The following RNF139 variants were observed in gnomAD, a reference collection of about 807,000 sequenced individuals.
The protein encoded by RNF139 is E3 ubiquitin-protein ligase RNF139.
In RNF139, 15 loss-of-function variants were observed where a neutral mutation model predicts 49.5. That is an observed-to-expected ratio of 0.30 (90% CI 0.20 to 0.47). RNF139 has a LOEUF of 0.47. RNF139 is among the 20% of genes least tolerant of loss of function. The probability of loss-of-function intolerance (pLI) is 1.00; values close to 1 mark genes in which losing one functional copy is unlikely to be tolerated. For missense variants in RNF139, 619 were observed against 806.3 expected (o/e 0.77, Z 2.81); for synonymous variants, 325 against 300.9 (o/e 1.08, Z -0.83).
chr8:124,486,483 C>T lies in RNF139; in HGVS notation c.834C>T (p.Cys278=). The T allele has an allele frequency of 6.2e-7, 1 of 1,613,960 alleles. No homozygotes were observed. Among genetic ancestry groups the T allele is most frequent in the Non-Finnish European group, 8.5e-7 (1 of 1,179,956 alleles). Residue 278 remains cysteine (C), a synonymous_variant, in exon 2 of 2, where the codon TGC becomes TGT. Transcript: ENST00000303545. ...GGGATGATTTTTGGGACCTCATTTG[C>T]AATCTTATAATTAGTGGGTGCGATT... The part of the protein sequence containing the change: ...ISWDDFWDLI[C]NLIISGCDST...
chr8:124,475,497 G>C (rs1392996520), intron 1 of RNF139, among the ~76,000 whole-genome samples: 1 of 152,248 alleles, frequency 6.6e-6, no homozygotes, highest in Non-Finnish European at 1.5e-5. Flanking sequence ...CCCTAGCGAG[G>C]ATTCAGTGTT....
chr8:124,486,517 A>C lies in RNF139; in HGVS notation c.868A>C (p.Thr290Pro). Residue 290 changes from threonine to proline, a missense_variant, in exon 2 of 2, where the codon ACT becomes CCT. Transcript: ENST00000303545. Reference protein sequence around the residue: ...LIISGCDSTLTVLGMSAVISS... With the variant: ...LIISGCDSTLPVLGMSAVISS... ...AATTAGTGGGTGCGATTCTACACTA[A>C]CTGTACTGGGCATGAGTGCTGTAAT... 6.2e-7 allele frequency: 1 copy of C among 1,614,130 alleles called. No individual in the cohort carries two copies. Among genetic ancestry groups the C allele is most frequent in the South Asian group, 1.1e-5 (1 of 91,084 alleles).
In RNF139 at chr8:124,486,871, T is replaced by G. The variant is rs754101559; in HGVS notation, c.1222T>G (p.Tyr408Asp). 81 of 1,613,878 alleles carry G rather than the reference T, an allele frequency of 5.0e-5. No individual in the cohort carries two copies. Among genetic ancestry groups the G allele is most frequent in the Non-Finnish European group, 6.7e-5 (79 of 1,179,992 alleles). ...CLFILPVLLS[Y>D]VLWHHYALNT... Reference sequence around the variant, plus strand: ...GTTTATTCTTCCTGTCTTACTCAGTTATGTTCTTTGGCATCACTATGCACT... The same window carrying G: ...GTTTATTCTTCCTGTCTTACTCAGTGATGTTCTTTGGCATCACTATGCACT... The change falls in exon 2 of 2, where the codon TAT becomes GAT. Residue 408 changes from tyrosine to aspartate, a missense_variant. By Grantham distance (160) the Tyr-to-Asp change is radical. This residue lies in a region of RNF139 where 530 missense variants were observed against 728.9 expected (regional missense o/e 0.73). Transcript: ENST00000303545.
In RNF139 at chr8:124,474,949, G is replaced by T; in HGVS notation, c.-161G>T. The stretch of plus-strand genomic sequence containing the variant: ...CTGCCTCCGCCGCCTGCTCCACCTC[G>T]AGGGACGCGAGCGGGCGGCGGGGCT... On this transcript the variant is annotated 5_prime_UTR_variant, in exon 1 of 2. Coordinates refer to ENST00000303545, the MANE Select transcript of RNF139 (RefSeq NM_007218.4). The surrounding 1 kb of genome is among the most constrained non-coding windows in gnomAD (Gnocchi z 4.6). 2.5e-6 allele frequency: 1 copy of T among 403,670 alleles called. No homozygotes were observed. Among genetic ancestry groups the T allele is most frequent in the Non-Finnish European group, 4.0e-6 (1 of 247,792 alleles). The allele number at this position is 403,670 out of a possible 1,614,324, so 25.0% of individuals were successfully genotyped here.
At chr8:124,477,227 A>G (rs1816328751) in intron 1 of RNF139, among the ~76,000 whole-genome samples, 2 of 152,252 alleles carry the variant, frequency 1.3e-5, no homozygotes, top group Non-Finnish European at 2.9e-5. Flanking sequence ...ATACTCTTCA[A>G]ATCTATCATC....
chr8:124,483,026 T>TAAAAATATATCTATTAA (rs370370558), intron 1 of RNF139, among the ~76,000 whole-genome samples: 2 of 94,276 alleles, frequency 2.1e-5, no homozygotes, highest in Non-Finnish European at 3.8e-5. Context: ...TATATATATT[T>TAAAAATATATCTATTAA]AAATATATAT....
chr8:124,485,254 C>T (rs1460685840), intron 1 of RNF139, among the ~76,000 whole-genome samples: 1 of 152,116 alleles, frequency 6.6e-6, no homozygotes, highest in African/African-American at 2.4e-5. Flanking sequence ...ATCCCAGTTA[C>T]TTGGGAGGCT....
rs140507881 is a variant in RNF139, at chr8:124,475,244, C to G, written c.135C>G (p.Ser45Arg). ...DAIFNSYPDS[S>R]QSRFCIVLQI... ...TCTTCAACTCCTACCCGGATTCCAG[C>G]CAAAGCCGGTTCTGCATCGTGCTCC... The change falls in exon 1 of 2, where the codon AGC becomes AGG. Residue 45 changes from serine to arginine, a missense_variant. By Grantham distance (110) the Ser-to-Arg change is moderately radical (BLOSUM62 -1). Around this residue, in one of 2 missense-constraint regions of RNF139, gnomAD observed 89 missense variants for 77.5 expected, o/e 1.15. Transcript: ENST00000303545. 1.2e-6 allele frequency: 2 copies of G among 1,613,758 alleles called. No homozygotes were observed. Among genetic ancestry groups the G allele is most frequent in the Admixed American group, 1.7e-5 (1 of 59,984 alleles).
rs1176892478 is a variant in RNF139 at position 124,486,929 on chromosome 8, G to C, written c.1280G>C (p.Cys427Ser). ...NTWLFAVTAF[C>S]VELCLKVIVS... is the part of the protein sequence containing the mutation. ...TGGTTGTTTGCAGTTACAGCATTTT[G>C]TGTGGAACTGTGCTTAAAAGTAATT... The change falls in exon 2 of 2, where the codon TGT becomes TCT. Residue 427 changes from cysteine (C) to serine (S), a missense_variant. Physicochemically the swap from Cys to Ser is moderately radical, Grantham distance 112. Coordinates refer to ENST00000303545, the MANE Select transcript of RNF139 (RefSeq NM_007218.4). 1.2e-6 allele frequency: 2 copies of C among 1,614,002 alleles called. No individual in the cohort carries two copies. The highest frequency in any genetic ancestry group is 1.1e-5 in the South Asian group (1 of 91,074).
rs145127334 is a variant in RNF139, at chr8:124,475,751, G to A, written c.181+461G>A. The stretch of plus-strand genomic sequence containing the variant: ...CTTCTGCTGCACCCGAGGGTCCACA[G>A]GATCGTGAAGTGTCTGCAGTAAATG... On this transcript the variant is annotated intron_variant, in intron 1 of 1. Transcript: ENST00000303545. 2.0e-3 allele frequency among the ~76,000 whole-genome samples: 303 copies of A among 152,330 alleles called. 2 individuals carry two copies. The highest frequency in any genetic ancestry group is 6.9e-3 in the African/African-American group (286 of 41,570).
In RNF139 at chr8:124,487,320, T is replaced by C. The variant is rs759609931; in HGVS notation, c.1671T>C (p.Ser557=). The C allele has an allele frequency of 1.9e-5, 31 of 1,614,094 alleles. No homozygotes were observed. The highest frequency in any genetic ancestry group is 2.6e-5 in the Non-Finnish European group (31 of 1,179,964). Residue 557 remains serine, a synonymous_variant, in exon 2 of 2, where the codon TCT becomes TCC. Transcript: ENST00000303545. ...TCTGCTATCATGAGTTTACAACATC[T>C]GCTCGTATTACACCGTGTAATCATT... is the stretch of plus-strand genomic sequence containing the variant. ...CAICYHEFTT[S]ARITPCNHYF...
rs151090637 is a variant in RNF139, at chr8:124,488,435, C to G, written c.*791C>G. The G allele has an allele frequency of 3.0e-4, 141 of 469,534 alleles. No individual in the cohort carries two copies. The highest frequency in any genetic ancestry group is 2.4e-3 in the African/African-American group (116 of 48,872). 29.1% of individuals were successfully genotyped at this position (469,534 alleles called of 1,614,324 possible). On this transcript the variant is annotated 3_prime_UTR_variant, in exon 2 of 2. Transcript: ENST00000303545. The stretch of plus-strand genomic sequence containing the variant: ...CTCAATGATATAAAAACATCCTGAT[C>G]TGATTTTACGAGAAAAAGAAGGGGA...
At chr8:124,484,136 G>T (rs1306262052) in intron 1 of RNF139, among the ~76,000 whole-genome samples, 1 of 152,160 alleles carries the variant, frequency 6.6e-6, no homozygotes, top group African/African-American at 2.4e-5. Context: ...GGAGGTTGGG[G>T]ACATCATTCC....
At chr8:124,479,607 C>T (rs1427320236) in intron 1 of RNF139, among the ~76,000 whole-genome samples, 1 of 152,162 alleles carries the variant, frequency 6.6e-6, no homozygotes, top group Admixed American at 6.5e-5. Flanking sequence ...TTTTTAGCAG[C>T]ATCACTATCC....
chr8:124,484,136 G>A (rs1306262052), intron 1 of RNF139, among the ~76,000 whole-genome samples: 1 of 152,160 alleles, frequency 6.6e-6, no homozygotes, highest in Non-Finnish European at 1.5e-5. Flanking sequence ...GGAGGTTGGG[G>A]ACATCATTCC....
chr8:124,483,212 T>C (rs1255972822), intron 1 of RNF139: 1 of 133,162 alleles, frequency 7.5e-6, no homozygotes, highest in Non-Finnish European at 1.6e-5. Flanking sequence ...TATTTAGAGG[T>C]TTATATGTCT....
intron 1 of RNF139, among the ~76,000 whole-genome samples, chr8:124,476,847 G>A (rs1816324134): frequency 6.6e-6 from 1 of 152,140 alleles, no homozygotes; most frequent in Non-Finnish European, 1.5e-5. Flanking sequence ...GCAGCTTCAA[G>A]GAAAAGAAGT....
At chr8:124,477,213 C>T (rs1160407909) in intron 1 of RNF139, among the ~76,000 whole-genome samples, 2 of 152,082 alleles carry the variant, frequency 1.3e-5, no homozygotes, top group Admixed American at 1.3e-4. Flanking sequence ...TTGAGAAATA[C>T]GAAATACTCT....
chr8:124,487,806 T>C lies in RNF139; in HGVS notation c.*162T>C. ...TTACTGTGATGTGCTACTGTAAATA[T>C]ACCTCTTTAATTACTTCTGGTCTCT... On this transcript the variant is annotated 3_prime_UTR_variant, in exon 2 of 2. Coordinates refer to ENST00000303545, the MANE Select transcript of RNF139 (RefSeq NM_007218.4). 1.6e-6 allele frequency: 1 copy of C among 637,256 alleles called. No individual in the cohort carries two copies. The highest frequency in any genetic ancestry group is 2.2e-5 in the South Asian group (1 of 45,358). The allele number at this position is 637,256 out of a possible 1,614,324, so 39.5% of individuals were successfully genotyped here. A position where few individuals can be genotyped will look rare whatever the true frequency, so the allele number is the denominator to read the frequency against.
Sources: gnomAD v4.1 joint callset for allele counts (sites outside exome capture counted in the v4.1 genomes callset) on GRCh38, gnomAD v4.1.1 for gene constraint, gnomAD v4.1.1 regional missense constraint, Gnocchi (gnomAD v3.1) non-coding constraint, MANE v1.5 for transcripts, NCBI Gene and HGNC (gene_info 2026-07-23, HGNC 2026-07-21) for gene names.